The following GSAP variants were observed in gnomAD, a reference collection of about 807,000 sequenced individuals.
The protein encoded by GSAP is gamma-secretase activating protein.
In GSAP, 118 loss-of-function variants were observed where a neutral mutation model predicts 131.7. That is an observed-to-expected ratio of 0.90 (90% CI 0.77 to 1.04). The LOEUF is 1.04. Among genes scored for constraint, GSAP ranks in the 50% least tolerant of loss-of-function variants. The pLI, the probability that GSAP is intolerant of heterozygous loss-of-function variation, is 0.00. For synonymous variants in GSAP, 381 were observed against 363.4 expected, an observed-to-expected ratio of 1.05 and a Z score of -0.55; for missense variants, 1,019 against 1,013.2, an observed-to-expected ratio of 1.01 and a Z score of -0.08.
At chr7:77,402,402 G>C (rs201283499) in intron 3 of GSAP, among the ~76,000 whole-genome samples, 1 of 121,354 alleles carries the variant, frequency 8.2e-6, no homozygotes, top group African/African-American at 3.0e-5. Flanking sequence ...AAAGAAAAAA[G>C]AAAAAAAAAA....
At chr7:77,325,235 C>G (rs543159435) in intron 23 of GSAP, among the ~76,000 whole-genome samples, 5 of 152,120 alleles carry the variant, frequency 3.3e-5, no homozygotes, top group Non-Finnish European at 2.9e-5. Context: ...CTAAACTAAC[C>G]TCTCCTAATA....
chr7:77,376,718 A>G (rs1584585252), intron 10 of GSAP, 130 bp downstream of exon 10: 1 of 556,522 alleles, frequency 1.8e-6, no homozygotes, highest in East Asian at 3.5e-5. Context: ...CAGAGCTTGC[A>G]GTGAGCCGAG....
chr7:77,342,109 C>T (rs1156244392), intron 19 of GSAP, among the ~76,000 whole-genome samples: 1 of 152,118 alleles, frequency 6.6e-6, no homozygotes, highest in Non-Finnish European at 1.5e-5. Flanking sequence ...GCCCCTGGAA[C>T]TCTGGCCCAA....
intron 3 of GSAP, among the ~76,000 whole-genome samples, chr7:77,399,746 T>C (rs1222074540): frequency 6.6e-6 from 1 of 152,098 alleles, no homozygotes; most frequent in Non-Finnish European, 1.5e-5. Context: ...CTTGTCCCTA[T>C]TGCTCCCACC....
At chr7:77,403,164 CA>C (rs1247891697) in intron 3 of GSAP, among the ~76,000 whole-genome samples, 1 of 152,174 alleles carries the variant, frequency 6.6e-6, no homozygotes, top group African/African-American at 2.4e-5. Flanking sequence ...ATACATGCCA[CA>C]CAGAAATTAA....
intron 8 of GSAP, among the ~76,000 whole-genome samples, chr7:77,380,263 T>C (rs1433270775): frequency 6.6e-6 from 1 of 152,170 alleles, no homozygotes; most frequent in Non-Finnish European, 1.5e-5. Flanking sequence ...CTTTTCGTGA[T>C]ATGAATTGAG....
rs1481275072 is a variant in GSAP at position 77,314,473 on chromosome 7, G to A, written c.2106C>T (p.His702=). 4 of 1,613,846 alleles carry A rather than the reference G, an allele frequency of 2.5e-6. No homozygotes were observed. The South Asian group carries it at 3.3e-5, about 13-fold the overall frequency. Residue 702 remains histidine (H), a synonymous_variant, in exon 27 of 31, where the codon CAC becomes CAT. Coordinates refer to ENST00000257626, the MANE Select transcript of GSAP (RefSeq NM_017439.4). ...LPLPPGFHTL[H]TILGVQCLPL... The stretch of plus-strand genomic sequence containing the variant: ...GGAGACACTGGACCCCGAGGATGGT[G>A]TGCAGAGTATGAAAACCTAGGATGA...
intron 18 of GSAP, chr7:77,351,202 C>T (rs928216617): frequency 1.0e-6 from 1 of 982,898 alleles, no homozygotes; most frequent in African/African-American, 1.7e-5. Context: ...TTGTGTGCTT[C>T]ATTTATCACT....
rs569400093 is a variant in GSAP, at chr7:77,374,704, C to G, written c.785+354G>C. Among the ~76,000 whole-genome samples the G allele has an allele frequency of 2.0e-5, 3 of 151,458 alleles. No individual in the cohort carries two copies. In the East Asian group the frequency reaches 5.8e-4, roughly 29 times the overall value. ...TACAAGTGGATTGACCTGTGACATC[C>G]TCTTTGATGTCAACAAAAAGGGTTT... On this transcript the variant is annotated intron_variant, in intron 11 of 30. Coordinates refer to ENST00000257626, the MANE Select transcript of GSAP (RefSeq NM_017439.4).
chr7:77,326,097 C>T, intron 23 of GSAP, 115 bp downstream of exon 23: 1 of 739,824 alleles, frequency 1.4e-6, no homozygotes, highest in Non-Finnish European at 2.3e-6. Flanking sequence ...GCTGGCAAAA[C>T]ATACTTGTGC....
At chr7:77,377,248 A>AAAAAAAAAG in intron 9 of GSAP, 38 bp downstream of exon 9, 1 of 1,378,768 alleles carries the variant, frequency 7.3e-7, no homozygotes, top group Non-Finnish European at 9.4e-7. Flanking sequence ...AAAAAAAAAA[A>AAAAAAAAAG]AAAAAAAAAA....
chr7:77,375,303 T>C (rs1796684641), intron 10 of GSAP, among the ~76,000 whole-genome samples: 2 of 152,212 alleles, frequency 1.3e-5, no homozygotes, highest in African/African-American at 4.8e-5. Context: ...TTACATATAA[T>C]CATGAGCTTG....
chr7:77,323,862 C>G (rs569343569), intron 23 of GSAP, 120 bp from the exon 24 acceptor site: 10 of 527,166 alleles, frequency 1.9e-5, no homozygotes, highest in Non-Finnish European at 3.4e-5. Context: ...ATCTGAAGGT[C>G]CCATCAATGG....
chr7:77,409,673 AT>A (rs976189893), intron 1 of GSAP, among the ~76,000 whole-genome samples: 10 of 152,188 alleles, frequency 6.6e-5, no homozygotes, highest in South Asian at 2.1e-4. Context: ...TTTGAGAAGT[AT>A]TTTTTTTCTT....
intron 5 of GSAP, among the ~76,000 whole-genome samples, chr7:77,391,650 C>T (rs904153719): frequency 1.3e-5 from 2 of 151,806 alleles, no homozygotes; most frequent in African/African-American, 4.8e-5. Context: ...ATAGTGAAAC[C>T]CCATCTCTAC....
intron 5 of GSAP, among the ~76,000 whole-genome samples, chr7:77,395,195 C>T (rs1800163488): frequency 6.6e-6 from 1 of 152,140 alleles, no homozygotes; most frequent in South Asian, 2.1e-4. Flanking sequence ...AATGTAGTTA[C>T]TACTCAGTTT....
intron 5 of GSAP, among the ~76,000 whole-genome samples, chr7:77,396,316 A>G (rs960298357): frequency 2.0e-5 from 3 of 152,162 alleles, no homozygotes; most frequent in Non-Finnish European, 4.4e-5. Context: ...TCTGCTTCAC[A>G]TATTTACATG....
chr7:77,324,642 A>G (rs1221528916), intron 23 of GSAP, among the ~76,000 whole-genome samples: 1 of 152,180 alleles, frequency 6.6e-6, no homozygotes, highest in African/African-American at 2.4e-5. Context: ...TTGGCTTTAA[A>G]TAAAAGATGC....
intron 12 of GSAP, among the ~76,000 whole-genome samples, chr7:77,366,602 G>GT (rs1385613271): frequency 6.6e-6 from 1 of 152,092 alleles, no homozygotes; most frequent in African/African-American, 2.4e-5. Context: ...GCCTGTTTTG[G>GT]TAACAGTACC....
Sources: allele counts gnomAD v4.1 joint callset (sites outside exome capture counted in the v4.1 genomes callset), GRCh38; gene constraint gnomAD v4.1.1; transcripts MANE v1.5; gene names NCBI Gene and HGNC (gene_info 2026-07-23, HGNC 2026-07-21).